Variants in PDIA5 observed in about 807,000 individuals in gnomAD.
The protein encoded by PDIA5 is protein disulfide-isomerase A5.
In PDIA5, 58 loss-of-function variants were observed where a neutral mutation model predicts 77.6. That is an observed-to-expected ratio of 0.75 (90% CI 0.61 to 0.93). The LOEUF (loss-of-function observed/expected upper bound fraction) is 0.93, where lower values mean the gene tolerates loss of function less well. Ranked by LOEUF, PDIA5 falls within the 40% of genes least tolerant of loss-of-function variation. The pLI is 0.00. For synonymous variants in PDIA5, 250 were observed against 252.1 expected, an observed-to-expected ratio of 0.99 and a Z score of 0.08; for missense variants, 630 against 647.7, an observed-to-expected ratio of 0.97 and a Z score of 0.30.
chr3:123,092,267 C>T, intron 2 of PDIA5, 88 bp from the exon 3 acceptor site: 2 of 1,070,492 alleles, frequency 1.9e-6, no homozygotes, highest in South Asian at 1.3e-5. Flanking sequence ...GGATTGGTCT[C>T]CATCCTTCCT....
chr3:123,148,860 G>A (rs1303949302), intron 13 of PDIA5, among the ~76,000 whole-genome samples: 2 of 152,262 alleles, frequency 1.3e-5, no homozygotes, highest in African/African-American at 4.8e-5. Flanking sequence ...TGGCTCGGGG[G>A]TGGAGAACTG....
At chr3:123,109,987 T>A (rs537191764) in intron 6 of PDIA5, among the ~76,000 whole-genome samples, 11 of 152,368 alleles carry the variant, frequency 7.2e-5, no homozygotes, top group Admixed American at 6.5e-4. Flanking sequence ...AGCTGCATTT[T>A]GAAATTTTCT....
At chr3:123,112,603 T>C (rs1934892219) in intron 7 of PDIA5, among the ~76,000 whole-genome samples, 1 of 138,862 alleles carries the variant, frequency 7.2e-6, no homozygotes, top group Non-Finnish European at 1.5e-5. Flanking sequence ...GGCTGGAGTG[T>C]GGTGGTACCA....
At chr3:123,131,501 C>A (rs966965874) in intron 11 of PDIA5, among the ~76,000 whole-genome samples, 10 of 150,842 alleles carry the variant, frequency 6.6e-5, no homozygotes, top group African/African-American at 2.4e-4. Context: ...CACCTCTTAC[C>A]TTACAAGTGG....
intron 14 of PDIA5, 47 bp downstream of exon 14, chr3:123,150,411 G>A (rs1394306755): frequency 5.1e-6 from 8 of 1,573,134 alleles, no homozygotes; most frequent in East Asian, 2.3e-5. Context: ...GAGGGGTTTG[G>A]CCCCACCAAA....
At chr3:123,081,484 G>A (rs941932815) in intron 1 of PDIA5, among the ~76,000 whole-genome samples, 5 of 152,230 alleles carry the variant, frequency 3.3e-5, no homozygotes, top group East Asian at 3.9e-4. Context: ...AGTCCCTTTC[G>A]TACCAGCTTC....
chr3:123,111,776 T>C (rs1934868657), intron 7 of PDIA5, among the ~76,000 whole-genome samples: 1 of 152,278 alleles, frequency 6.6e-6, no homozygotes, highest in Non-Finnish European at 1.5e-5. Flanking sequence ...ATAAATTATA[T>C]GCAAATAAGC....
chr3:123,077,767 A>G (rs1438404818), intron 1 of PDIA5, among the ~76,000 whole-genome samples: 3 of 151,098 alleles, frequency 2.0e-5, no homozygotes, highest in Non-Finnish European at 4.4e-5. Flanking sequence ...TTTAGAATTT[A>G]CCCTTTTAAG....
chr3:123,076,158 A>C (rs1179797783), intron 1 of PDIA5, among the ~76,000 whole-genome samples: 1 of 152,158 alleles, frequency 6.6e-6, no homozygotes, highest in Non-Finnish European at 1.5e-5. Context: ...TTCTGGGTGG[A>C]GCAACGGGGA....
chr3:123,096,090 C>T (rs1934429356), intron 3 of PDIA5, among the ~76,000 whole-genome samples: 1 of 152,056 alleles, frequency 6.6e-6, no homozygotes. Flanking sequence ...GGGTGCCTAT[C>T]CTTCTCTCTG....
At chr3:123,141,966 C>A (rs1476981006) in intron 11 of PDIA5, among the ~76,000 whole-genome samples, 2 of 152,184 alleles carry the variant, frequency 1.3e-5, no homozygotes, top group Non-Finnish European at 2.9e-5. Context: ...GGGCTCCTAA[C>A]CCCAGTTCTG....
chr3:123,118,496 G>A (rs996547359), intron 8 of PDIA5, among the ~76,000 whole-genome samples: 2 of 152,088 alleles, frequency 1.3e-5, no homozygotes, highest in African/African-American at 2.4e-5. Context: ...AGAACTTGAT[G>A]CCAGTCTCAG....
At chr3:123,160,150 G>C (rs1469218698) in intron 15 of PDIA5, among the ~76,000 whole-genome samples, 1 of 152,188 alleles carries the variant, frequency 6.6e-6, no homozygotes, top group Non-Finnish European at 1.5e-5. Flanking sequence ...GCACACGGCA[G>C]GGTTTCAGTG....
At chr3:123,071,641 G>A (rs575689522) in intron 1 of PDIA5, among the ~76,000 whole-genome samples, 1 of 152,328 alleles carries the variant, frequency 6.6e-6, no homozygotes, top group Non-Finnish European at 1.5e-5. Flanking sequence ...GTGGCTGAGT[G>A]CCATAAGAGT....
At chr3:123,148,853 C>T (rs1416684045) in intron 13 of PDIA5, among the ~76,000 whole-genome samples, 1 of 152,184 alleles carries the variant, frequency 6.6e-6, no homozygotes, top group Non-Finnish European at 1.5e-5. Flanking sequence ...CAGCCGATGG[C>T]TCGGGGGTGG....
chr3:123,133,963 G>A (rs1935429830), intron 11 of PDIA5, among the ~76,000 whole-genome samples: 1 of 147,928 alleles, frequency 6.8e-6, no homozygotes, highest in Non-Finnish European at 1.5e-5. Flanking sequence ...TTGCAGTGTT[G>A]TTTGTTTTCT....
chr3:123,106,034 G>A (rs1210574044), intron 5 of PDIA5, among the ~76,000 whole-genome samples: 2 of 152,190 alleles, frequency 1.3e-5, no homozygotes, highest in African/African-American at 4.8e-5. Context: ...ACATAACAAA[G>A]GCCAGCGAAG....
intron 1 of PDIA5, among the ~76,000 whole-genome samples, chr3:123,085,169 T>C (rs1444968336): frequency 6.6e-6 from 1 of 152,042 alleles, no homozygotes; most frequent in African/African-American, 2.4e-5. Context: ...AGGCCAGGAG[T>C]GTGGTAACAG....
intron 1 of PDIA5, among the ~76,000 whole-genome samples, chr3:123,086,160 T>G (rs1446461999): frequency 6.6e-6 from 1 of 152,236 alleles, no homozygotes. Flanking sequence ...AATATGGTAA[T>G]GTTTCAGTCT....
Sources: allele counts gnomAD v4.1 joint callset (sites outside exome capture counted in the v4.1 genomes callset), GRCh38; gene constraint gnomAD v4.1.1; transcripts MANE v1.5; gene names NCBI Gene and HGNC (gene_info 2026-07-23, HGNC 2026-07-21).